Variants in RBFOX1 observed in about 807,000 individuals in gnomAD.
RBFOX1 encodes RNA binding fox-1 homolog 1.
Under a neutral mutation model 57.7 loss-of-function variants are expected in RBFOX1, and 8 were observed. The ratio of observed to expected loss-of-function variants is 0.14; its 90% CI spans 0.08 to 0.25. The LOEUF (loss-of-function observed/expected upper bound fraction) is 0.25, where lower values mean the gene tolerates loss of function less well. Ranked by LOEUF, RBFOX1 falls within the 10% of genes least tolerant of loss-of-function variation. RBFOX1 has a pLI of 1.00. For synonymous variants in RBFOX1, 326 were observed against 222.4 expected, an observed-to-expected ratio of 1.47 and a Z score of -4.15; for missense variants, 611 against 548.5, an observed-to-expected ratio of 1.11 and a Z score of -1.14.
chr16:6,729,087 T>C (rs2067918152), intron 3 of RBFOX1, among the ~76,000 whole-genome samples: 1 of 152,180 alleles, frequency 6.6e-6, no homozygotes, highest in Non-Finnish European at 1.5e-5. Context: ...CAGAAGTGAA[T>C]AGCTTCTGTT....
At chr16:5,846,225 C>T (rs2056753886) in intron 3 of RBFOX1, among the ~76,000 whole-genome samples, 1 of 150,564 alleles carries the variant, frequency 6.6e-6, no homozygotes, top group African/African-American at 2.4e-5. Context: ...TAAGAAAATG[C>T]ACAGGAAGCT....
At chr16:7,158,670 G>A (rs983867305) in intron 4 of RBFOX1, among the ~76,000 whole-genome samples, 21 of 147,606 alleles carry the variant, frequency 1.4e-4, no homozygotes, top group Admixed American at 7.1e-4. Flanking sequence ...GTGCACGCAC[G>A]TATGTGTGTA....
At chr16:6,354,006 G>T (rs1424345246) in intron 2 of RBFOX1, among the ~76,000 whole-genome samples, 1 of 152,098 alleles carries the variant, frequency 6.6e-6, no homozygotes. Flanking sequence ...GATCACCTGA[G>T]GTCAGGAGTT....
chr16:5,958,411 A>G (rs1013543915), intron 4 of RBFOX1, among the ~76,000 whole-genome samples: 3 of 152,168 alleles, frequency 2.0e-5, no homozygotes, highest in Admixed American at 2.0e-4. Context: ...CCTATCATAC[A>G]GTGGTTATAA....
Position 5,280,396 on chromosome 16 carries a change from C to G in RBFOX1, c.219+40291C>G, listed in dbSNP as rs192458577. ...ATTCGGAATATTGGCCTGTAGTTTT[C>G]TCTTTTTGTTGTGTCCTTGTCTTGA... On this transcript the variant is annotated intron_variant, in intron 1 of 2. Transcript: ENST00000585867. Among the ~76,000 whole-genome samples the G allele has an allele frequency of 1.7e-3, 255 of 152,252 alleles. 1 individual carries two copies. The highest frequency in any genetic ancestry group is 2.8e-3 in the Non-Finnish European group (190 of 68,012).
intron 3 of RBFOX1, among the ~76,000 whole-genome samples, chr16:6,853,285 ATTC>A (rs1460105488): frequency 1.4e-4 from 21 of 152,098 alleles, no homozygotes; most frequent in African/African-American, 3.9e-4. Flanking sequence ...TAATTATTAT[ATTC>A]TTGTTTTTGA....
chr16:5,710,431 C>G (rs1009291849), intron 3 of RBFOX1, among the ~76,000 whole-genome samples: 1 of 152,150 alleles, frequency 6.6e-6, no homozygotes, highest in Non-Finnish European at 1.5e-5. Context: ...TGCGGGCCTC[C>G]AAGAGGAGGG....
intron 2 of RBFOX1, among the ~76,000 whole-genome samples, chr16:6,405,603 T>C (rs1596695245): frequency 6.6e-6 from 1 of 152,126 alleles, no homozygotes; most frequent in African/African-American, 2.4e-5. Context: ...CAAGGTGGAA[T>C]GAGAATGCTG....
intron 4 of RBFOX1, among the ~76,000 whole-genome samples, chr16:7,099,116 A>G (rs1348408702): frequency 6.6e-6 from 1 of 152,170 alleles, no homozygotes; most frequent in East Asian, 1.9e-4. Flanking sequence ...AGTACTTAGA[A>G]TCAGAGATGG....
intron 3 of RBFOX1, among the ~76,000 whole-genome samples, chr16:6,673,642 A>G (rs937096441): frequency 6.6e-6 from 1 of 152,118 alleles, no homozygotes; most frequent in African/African-American, 2.4e-5. Context: ...CAAAGTAATG[A>G]AATATGGGGC....
chr16:5,933,201 C>T (rs2059101825), intron 4 of RBFOX1, among the ~76,000 whole-genome samples: 1 of 152,210 alleles, frequency 6.6e-6, no homozygotes, highest in Admixed American at 6.5e-5. Flanking sequence ...CCTGTGTCTT[C>T]TCCGCATGGC....
intron 1 of RBFOX1, among the ~76,000 whole-genome samples, chr16:6,270,413 A>G (rs1455840406): frequency 2.6e-5 from 4 of 151,880 alleles, no homozygotes; most frequent in Non-Finnish European, 4.4e-5. Flanking sequence ...ACATCAATCA[A>G]AAGAAAGTAG....
chr16:6,768,275 CT>C (rs2077702389), intron 3 of RBFOX1, among the ~76,000 whole-genome samples: 1 of 151,864 alleles, frequency 6.6e-6, no homozygotes, highest in East Asian at 1.9e-4. Context: ...CCTGTTTTTG[CT>C]TTTTTAAACA....
intron 3 of RBFOX1, among the ~76,000 whole-genome samples, chr16:6,921,652 T>A (rs1436080235): frequency 1.3e-5 from 2 of 150,552 alleles, no homozygotes; most frequent in Non-Finnish European, 3.0e-5. Flanking sequence ...TATATTTTTT[T>A]TTTTCTTAGG....
chr16:5,507,947 A>G (rs1454432388), intron 2 of RBFOX1, among the ~76,000 whole-genome samples: 1 of 152,108 alleles, frequency 6.6e-6, no homozygotes, highest in African/African-American at 2.4e-5. Flanking sequence ...GTTTTAGGCC[A>G]TCTGGTTTGG....
chr16:5,739,341 C>T (rs1221694457), intron 3 of RBFOX1, among the ~76,000 whole-genome samples: 1 of 152,216 alleles, frequency 6.6e-6, no homozygotes, highest in Non-Finnish European at 1.5e-5. Context: ...GCGTAGCAGG[C>T]AGTACTCAAG....
intron 2 of RBFOX1, among the ~76,000 whole-genome samples, chr16:6,539,806 G>GACAGACACACACACACACACACACAC (rs2096786906): frequency 1.5e-5 from 2 of 136,234 alleles, no homozygotes; most frequent in South Asian, 5.1e-4. Context: ...TCAAAACACA[G>GACAGACACACACACACACACACACAC]ACACACACAC....
intron 3 of RBFOX1, among the ~76,000 whole-genome samples, chr16:6,727,052 C>CACACACACACACACACACACAA (rs1389351855): frequency 1.5e-5 from 2 of 135,042 alleles, no homozygotes; most frequent in Admixed American, 7.8e-5. Context: ...TTGGACTGAA[C>CACACACACACACACACACACAA]ACACACACAC....
At chr16:7,277,302 C>G (rs2095459226) in intron 4 of RBFOX1, among the ~76,000 whole-genome samples, 1 of 152,098 alleles carries the variant, frequency 6.6e-6, no homozygotes, top group African/African-American at 2.4e-5. Context: ...TACTGCAATG[C>G]ATCTGTGGTT....
Sources: gnomAD v4.1 joint callset for allele counts (sites outside exome capture counted in the v4.1 genomes callset) on GRCh38, gnomAD v4.1.1 for gene constraint, MANE v1.5 for transcripts, NCBI Gene and HGNC (gene_info 2026-07-23, HGNC 2026-07-21) for gene names.